LENG8: variants seen among roughly 807,000 people sequenced by gnomAD.
LENG8 encodes leukocyte receptor cluster (LRC) member 8.
A neutral mutation model predicts 102.1 loss-of-function variants in LENG8; 28 were observed. The observed-to-expected ratio is 0.27, with a 90% CI of 0.20 to 0.38. LENG8 has a LOEUF of 0.38. LENG8 is among the 10% of genes least tolerant of loss of function. LENG8 has a pLI of 1.00. For synonymous variants in LENG8, 531 were observed against 456.7 expected (o/e 1.16, Z -2.07); for missense variants, 1,022 against 1,113.9 (o/e 0.92, Z 1.17).
chr19:54,462,008 A>G lies in LENG8; in HGVS notation c.*1080A>G, dbSNP rs2084594785. The G allele has an allele frequency of 6.2e-6, 9 of 1,448,970 alleles. No homozygotes were observed. In the Admixed American group the frequency reaches 8.1e-5, roughly 13 times the overall value. 89.8% of individuals were successfully genotyped at this position (1,448,970 alleles called of 1,614,324 possible). ...GAGAGAAACCAAAATTAAAGAGAGA[A>G]AGAGAGAGCGTGCACGCTCCTGCTT... is the stretch of plus-strand genomic sequence containing the variant. On this transcript the variant is annotated 3_prime_UTR_variant, in exon 16 of 16. Transcript: ENST00000326764.
rs766446983 is a variant in LENG8 at position 54,458,012 on chromosome 19, C to A, written c.1902+10C>A. 8.1e-6 allele frequency: 13 copies of A among 1,613,214 alleles called. No individual in the cohort carries two copies. In the South Asian group the frequency reaches 1.2e-4, roughly 15 times the overall value. On this transcript the variant is annotated intron_variant, in intron 13 of 15. Coordinates refer to ENST00000326764, the MANE Select transcript of LENG8 (RefSeq NM_052925.4). The stretch of plus-strand genomic sequence containing the variant: ...GATCGCCTTGGAGAAGGTGAGCTGG[C>A]CTCTGCGGGCCTCCCCAGCCCCTTT...
chr19:54,458,835 CTCCTT>C, intron 15 of LENG8: 1 of 1,550,972 alleles, frequency 6.4e-7, no homozygotes, highest in Non-Finnish European at 8.7e-7. Flanking sequence ...CCCTAGTTCA[CTCCTT>C]GCCCTGGGCT....
At chr19:54,450,010 C>T (rs1289524476) in intron 1 of LENG8, among the ~76,000 whole-genome samples, 3 of 152,220 alleles carry the variant, frequency 2.0e-5, no homozygotes, top group Non-Finnish European at 2.9e-5. Context: ...TTCCGGTTCT[C>T]CTGCGGGATT....
intron 15 of LENG8, chr19:54,460,402 C>A: frequency 2.4e-6 from 3 of 1,230,250 alleles, no homozygotes; most frequent in Non-Finnish European, 3.1e-6. Context: ...AGGGCTGGGT[C>A]CCCACGGTGG....
chr19:54,454,875 C>T (rs1338166300), intron 6 of LENG8, 76 bp from the exon 7 acceptor site: 10 of 1,582,402 alleles, frequency 6.3e-6, no homozygotes, highest in Admixed American at 5.2e-5. Context: ...CCCTGCATTT[C>T]CACTTCCTCC....
At position 54,454,615 on chromosome 19, in the gene LENG8, T is replaced by C. The variant is rs769624284; in HGVS notation, c.612T>C (p.Tyr204=). 3 of 1,610,644 alleles carry C rather than the reference T, an allele frequency of 1.9e-6. No individual in the cohort carries two copies. In the Admixed American group the frequency reaches 5.0e-5, roughly 27 times the overall value. ...SQAGPATGQA[Y]GPHTYTEPAK... Reference sequence around the variant, plus strand: ...CGGGGCCCGCCACGGGCCAGGCCTATGGGCCACACACCTACACCGAACCTG... The same window carrying C: ...CGGGGCCCGCCACGGGCCAGGCCTACGGGCCACACACCTACACCGAACCTG... Residue 204 remains tyrosine (Y), a synonymous_variant, in exon 6 of 16, where the codon TAT becomes TAC. Transcript: ENST00000326764.
In LENG8 at chr19:54,460,890, G is replaced by C; in HGVS notation, c.2365G>C (p.Asp789His). ...CACGGGCCCGGACAACTCCAGCATC[G>C]ACTGCCGCCTCAGCCTGGCGCAGCT... Reference protein sequence around the residue: ...AYTGPDNSSIDCRLSLAQLSA... With the variant: ...AYTGPDNSSIHCRLSLAQLSA... Residue 789 changes from aspartate (D) to histidine (H), a missense_variant, in exon 16 of 16, where the codon GAC (aspartate) becomes CAC (histidine). Asp to His is a moderately conservative substitution (Grantham distance 81, BLOSUM62 -1). This residue lies in a region of LENG8 where 129 missense variants were observed against 123.0 expected (regional missense o/e 1.05). Coordinates refer to ENST00000326764, the MANE Select transcript of LENG8 (RefSeq NM_052925.4). 1 of 1,555,444 alleles carries C rather than the reference G, an allele frequency of 6.4e-7. No homozygotes were observed. Among genetic ancestry groups the C allele is most frequent in the South Asian group, 1.2e-5 (1 of 84,556 alleles).
intron 12 of LENG8, 38 bp from the exon 13 acceptor site, chr19:54,457,896 C>G: frequency 1.9e-6 from 3 of 1,613,766 alleles, no homozygotes; most frequent in East Asian, 2.2e-5. Context: ...TCCTGCCTCC[C>G]GCTCCTTGTG....
intron 15 of LENG8, chr19:54,458,949 T>TCCTGGG (rs1359247064): frequency 6.7e-7 from 1 of 1,498,276 alleles, no homozygotes; most frequent in Non-Finnish European, 8.9e-7. Flanking sequence ...CAAGGCCCAG[T>TCCTGGG]CCCACTCAGC....
chr19:54,456,394 G>T lies in LENG8; in HGVS notation c.1374G>T (p.Pro458=). Residue 458 remains proline (P), a synonymous_variant, in exon 10 of 16, where the codon CCG becomes CCT. Transcript: ENST00000326764. ...GTCACCCTGTGGGCCGCAGGAACCC[G>T]CCCCCTAAGGGCCGGGGCGGTCGAG... ...NECHPVGRRN[P]PPKGRGGRGA... 6.2e-7 allele frequency: 1 copy of T among 1,611,900 alleles called. No individual in the cohort carries two copies. Among genetic ancestry groups the T allele is most frequent in the Non-Finnish European group, 8.5e-7 (1 of 1,179,912 alleles).
rs200048951 is a variant in LENG8 at position 54,458,153 on chromosome 19, C to T, written c.1953C>T (p.Tyr651=). ...NQCQTQLKSL[Y]AENLPGNVGE... is the part of the protein sequence containing the mutation. ...GCCAGACGCAGCTCAAGTCGCTGTACGCCGAGAACTTGCCTGGCAATGTGG... is the reference window on the plus strand; with the variant it reads ...GCCAGACGCAGCTCAAGTCGCTGTATGCCGAGAACTTGCCTGGCAATGTGG... The change falls in exon 14 of 16, where the codon TAC becomes TAT. Residue 651 remains tyrosine, a synonymous_variant. Transcript: ENST00000326764. 2.8e-5 allele frequency: 45 copies of T among 1,614,026 alleles called. No homozygotes were observed. The highest frequency in any genetic ancestry group is 1.6e-4 in the East Asian group (7 of 44,898).
chr19:54,456,125 G>C lies in LENG8; in HGVS notation c.1184G>C (p.Gly395Ala), dbSNP rs1259136521. 2 of 1,610,890 alleles carry C rather than the reference G, an allele frequency of 1.2e-6. No homozygotes were observed. Among genetic ancestry groups the C allele is most frequent in the African/African-American group, 1.3e-5 (1 of 74,858 alleles). Reference sequence around the variant, plus strand: ...GCTGGGGGTGCCGGTCGAGCCCGGGGCAACAGCTTCACCAAGTTTGGCAAC... The same window carrying C: ...GCTGGGGGTGCCGGTCGAGCCCGGGCCAACAGCTTCACCAAGTTTGGCAAC... ...PGAGGAGRAR[G>A]NSFTKFGNRN... Residue 395 changes from glycine (G) to alanine (A), a missense_variant, in exon 9 of 16, where the codon GGC (glycine) becomes GCC (alanine). This residue lies in a region of LENG8 where 326 missense variants were observed against 324.5 expected (regional missense o/e 1.00). Coordinates refer to ENST00000326764, the MANE Select transcript of LENG8 (RefSeq NM_052925.4).
At position 54,456,422 on chromosome 19, in the gene LENG8, G is replaced by T. The variant is rs1206942599; in HGVS notation, c.1402G>T (p.Ala468Ser). ...PPPKGRGGRGAHMDRGRGRAQ... is the reference protein window; with the variant it reads ...PPPKGRGGRGSHMDRGRGRAQ... ...CCCTAAGGGCCGGGGCGGTCGAGGG[G>T]CCCATATGGATCGGGGCCGAGGCAG... The change falls in exon 10 of 16, where the codon GCC becomes TCC. Residue 468 changes from alanine to serine, a missense_variant. Ala to Ser is a moderately conservative substitution (Grantham distance 99). Around this residue, in one of 7 missense-constraint regions of LENG8, gnomAD observed 326 missense variants for 324.5 expected, o/e 1.00. Transcript: ENST00000326764. 1.2e-6 allele frequency: 2 copies of T among 1,609,856 alleles called. No homozygotes were observed. The highest frequency in any genetic ancestry group is 8.5e-7 in the Non-Finnish European group (1 of 1,179,802).
intron 4 of LENG8, 48 bp from the exon 5 acceptor site, chr19:54,453,498 G>A (rs1379693982): frequency 2.4e-5 from 32 of 1,312,738 alleles, no homozygotes; most frequent in Non-Finnish European, 3.4e-5. Context: ...CTGGGGAAGC[G>A]GAAAGGGTAG....
At chr19:54,454,082 AG>A (rs2084093369) in intron 5 of LENG8, among the ~76,000 whole-genome samples, 2 of 151,756 alleles carry the variant, frequency 1.3e-5, no homozygotes, top group South Asian at 4.2e-4. Context: ...GGGCTCCATG[AG>A]TGTGTGTGCT....
At chr19:54,453,506 T>A in intron 4 of LENG8, 40 bp from the exon 5 acceptor site, 1 of 1,390,936 alleles carries the variant, frequency 7.2e-7, no homozygotes, top group South Asian at 1.2e-5. Flanking sequence ...GCGGAAAGGG[T>A]AGGCCTCCCA....
intron 15 of LENG8, chr19:54,460,407 C>G: frequency 2.4e-6 from 3 of 1,233,136 alleles, no homozygotes; most frequent in Non-Finnish European, 3.1e-6. Context: ...TGGGTCCCCA[C>G]GGTGGCCCTG....
chr19:54,460,943 G>T lies in LENG8; in HGVS notation c.*15G>T. 1 of 1,527,902 alleles carries T rather than the reference G, an allele frequency of 6.5e-7. No homozygotes were observed. The highest frequency in any genetic ancestry group is 8.8e-7 in the Non-Finnish European group (1 of 1,139,836). The allele number at this position is 1,527,902 out of a possible 1,614,324, so 94.6% of individuals were successfully genotyped here. A position where few individuals can be genotyped will look rare whatever the true frequency, so the allele number is the denominator to read the frequency against. ...CAGCCTTCTGAGCACCCAGCGAGGAGGGGCGGGGGCAGGGGCTGCAGCCCC... is the reference window on the plus strand; with the variant it reads ...CAGCCTTCTGAGCACCCAGCGAGGATGGGCGGGGGCAGGGGCTGCAGCCCC... On this transcript the variant is annotated 3_prime_UTR_variant, in exon 16 of 16. Transcript: ENST00000326764.
At chr19:54,454,342 G>T in intron 5 of LENG8, 88 bp from the exon 6 acceptor site, 2 of 1,367,244 alleles carry the variant, frequency 1.5e-6, no homozygotes, top group South Asian at 2.7e-5. Flanking sequence ...TGAGTGCTGT[G>T]ACCACTGCGT....
Sources: gnomAD v4.1 joint callset for allele counts (sites outside exome capture counted in the v4.1 genomes callset) on GRCh38, gnomAD v4.1.1 for gene constraint, gnomAD v4.1.1 regional missense constraint, MANE v1.5 for transcripts, NCBI Gene and HGNC (gene_info 2026-07-23, HGNC 2026-07-21) for gene names.